MAPK14: variants seen among roughly 807,000 people sequenced by gnomAD.
MAPK14 encodes CSAID-binding protein.
Under a neutral mutation model 49.6 loss-of-function variants are expected in MAPK14, and 16 were observed. The ratio of observed to expected loss-of-function variants is 0.32; its 90% confidence interval spans 0.22 to 0.49. The LOEUF (loss-of-function observed/expected upper bound fraction) is 0.49. Among genes scored for constraint, MAPK14 ranks in the 20% least tolerant of loss-of-function variants. MAPK14 has a pLI of 0.99. For missense variants in MAPK14, 200 were observed against 441.2 expected (o/e 0.45, Z 4.90); for synonymous variants, 142 against 158.0 (o/e 0.90, Z 0.76).
chr6:36,043,016 C>T (rs997312403), intron 1 of MAPK14, among the ~76,000 whole-genome samples: 3 of 151,640 alleles, frequency 2.0e-5, no homozygotes, highest in African/African-American at 7.3e-5. Context: ...AGCAGCTACT[C>T]GGGAAGCTGA....
At chr6:36,057,518 C>T (rs997107019) in intron 2 of MAPK14, among the ~76,000 whole-genome samples, 1 of 152,162 alleles carries the variant, frequency 6.6e-6, no homozygotes, top group African/African-American at 2.4e-5. Context: ...CCCACCACCT[C>T]CTTTTCAGGT....
At chr6:36,048,072 C>G (rs1475007239) in intron 1 of MAPK14, among the ~76,000 whole-genome samples, 1 of 150,888 alleles carries the variant, frequency 6.6e-6, no homozygotes, top group Non-Finnish European at 1.5e-5. Context: ...GACAGAGTCT[C>G]ACTCTGTTGC....
At position 36,027,985 on chromosome 6, in the gene MAPK14, C is replaced by T. The variant is rs1762372438; in HGVS notation, c.-173C>T. ...GCAGGGGCACATCCAGCCGCTGCGG[C>T]TGACAGCAGCCGCGCGCGCGGGAGT... On this transcript the variant is annotated 5_prime_UTR_variant, in exon 1 of 12. Transcript: ENST00000229794. 5 of 443,598 alleles carry T rather than the reference C, an allele frequency of 1.1e-5. No individual in the cohort carries two copies. Among genetic ancestry groups the T allele is most frequent in the Non-Finnish European group, 2.0e-5 (5 of 254,630 alleles). The allele number at this position is 443,598 out of a possible 1,614,324, so 27.5% of individuals were successfully genotyped here.
chr6:36,054,511 A>G (rs1763518881), intron 2 of MAPK14, among the ~76,000 whole-genome samples: 1 of 152,180 alleles, frequency 6.6e-6, no homozygotes, highest in Admixed American at 6.5e-5. Flanking sequence ...TTTTTTATAT[A>G]AAGATGTTTA....
At chr6:36,092,467 C>G (rs1252404569) in intron 8 of MAPK14, 2 of 632,928 alleles carry the variant, frequency 3.2e-6, no homozygotes, top group Non-Finnish European at 5.9e-6. Context: ...ATGACCGCTA[C>G]ATCATCACCA....
chr6:36,105,906 A>G (rs1349328990), intron 10 of MAPK14, among the ~76,000 whole-genome samples: 1 of 152,224 alleles, frequency 6.6e-6, no homozygotes, highest in African/African-American at 2.4e-5. Flanking sequence ...CCATGCTGAA[A>G]CACAAAAATA....
chr6:36,079,867 A>AG (rs796540634), intron 8 of MAPK14, among the ~76,000 whole-genome samples: 18 of 152,346 alleles, frequency 1.2e-4, no homozygotes, highest in African/African-American at 4.1e-4. Context: ...AAGAAAAAAA[A>AG]GAAATGTAGC....
downstream of MAPK14, among the ~76,000 whole-genome samples, chr6:36,112,938 A>C (rs1353065693): frequency 6.6e-6 from 1 of 152,226 alleles, no homozygotes; most frequent in Non-Finnish European, 1.5e-5. Flanking sequence ...GGCTTCAGGT[A>C]CTTAAGAAGC....
intron 3 of MAPK14, among the ~76,000 whole-genome samples, chr6:36,059,819 A>G (rs1763738583): frequency 6.6e-6 from 1 of 152,110 alleles, no homozygotes; most frequent in African/African-American, 2.4e-5. Flanking sequence ...TGCCTGGCCG[A>G]TCCCAACTTT....
intron 1 of MAPK14, among the ~76,000 whole-genome samples, chr6:36,047,858 C>T (rs1434164143): frequency 6.6e-6 from 1 of 151,968 alleles, no homozygotes; most frequent in Non-Finnish European, 1.5e-5. Flanking sequence ...GCCTCAGCCT[C>T]CCGAGTAGCT....
chr6:36,103,130 T>G (rs752049632), intron 10 of MAPK14, among the ~76,000 whole-genome samples: 1 of 152,094 alleles, frequency 6.6e-6, no homozygotes, highest in African/African-American at 2.4e-5. Flanking sequence ...TCCACACTCA[T>G]GAACTTTTCC....
At chr6:36,103,490 T>A (rs1355544293) in intron 10 of MAPK14, among the ~76,000 whole-genome samples, 2 of 152,178 alleles carry the variant, frequency 1.3e-5, no homozygotes, top group East Asian at 3.9e-4. Context: ...CAGGCATGCA[T>A]CCCCAAGCCT....
intron 8 of MAPK14, among the ~76,000 whole-genome samples, chr6:36,083,700 A>G (rs184093680): frequency 2.6e-4 from 40 of 152,264 alleles, no homozygotes; most frequent in Admixed American, 7.2e-4. Flanking sequence ...CAGAATTCCA[A>G]TCTCCCTGGG....
At chr6:36,074,208 C>A in intron 6 of MAPK14, 112 bp downstream of exon 6, 1 of 670,934 alleles carries the variant, frequency 1.5e-6, no homozygotes. Context: ...ATCTGAAATT[C>A]GTATTATTTT....
chr6:36,031,930 C>A (rs1762559431), intron 1 of MAPK14, among the ~76,000 whole-genome samples: 1 of 152,110 alleles, frequency 6.6e-6, no homozygotes, highest in South Asian at 2.1e-4. Flanking sequence ...CCAAAAAAAT[C>A]TCCGAATTTT....
At chr6:36,122,122 C>G in the MAPK14 span, among the ~76,000 whole-genome samples, 1 of 152,270 alleles carries the variant, frequency 6.6e-6, no homozygotes, top group Admixed American at 6.5e-5. Flanking sequence ...GCAGGTAGCC[C>G]TGCTAGTCTT....
intron 2 of MAPK14, among the ~76,000 whole-genome samples, chr6:36,053,675 T>TA (rs1258932094): frequency 2.0e-5 from 3 of 152,212 alleles, no homozygotes; most frequent in African/African-American, 4.8e-5. Context: ...TACTGCTTGT[T>TA]ACCTTGTGGA....
chr6:36,036,052 T>A (rs912038093), intron 1 of MAPK14, among the ~76,000 whole-genome samples: 1 of 152,048 alleles, frequency 6.6e-6, no homozygotes, highest in African/African-American at 2.4e-5. Context: ...GGCGAAACTC[T>A]GCCTCTAGAA....
chr6:36,102,597 T>A lies in MAPK14; in HGVS notation c.789T>A (p.Thr263=). The A allele has an allele frequency of 6.2e-7, 1 of 1,613,892 alleles. No individual in the cohort carries two copies. The stretch of plus-strand genomic sequence containing the variant: ...CAAGAAACTATATTCAGTCTTTGAC[T>A]CAGATGCCGAAGATGAACTTTGCGA... ...ESARNYIQSL[T]QMPKMNFANV... Residue 263 remains threonine (T), a synonymous_variant, in exon 10 of 12, where the codon ACT becomes ACA. Coordinates refer to ENST00000229794, the MANE Select transcript of MAPK14 (RefSeq NM_139012.3).
Sources: gnomAD v4.1 joint callset for allele counts (sites outside exome capture counted in the v4.1 genomes callset) on GRCh38, gnomAD v4.1.1 for gene constraint, MANE v1.5 for transcripts, NCBI Gene and HGNC (gene_info 2026-07-23, HGNC 2026-07-21) for gene names.